The following SYN3 variants were observed in gnomAD, a reference collection of about 807,000 sequenced individuals.
SYN3 encodes the protein synapsin-3.
Under a neutral mutation model 65.8 loss-of-function variants are expected in SYN3, and 35 were observed. The ratio of observed to expected loss-of-function variants is 0.53; its 90% CI spans 0.41 to 0.70. The LOEUF is 0.70. Among genes scored for constraint, SYN3 ranks in the 30% least tolerant of loss-of-function variants. The pLI is 0.00. For missense variants in SYN3, 680 were observed against 749.0 expected (o/e 0.91, Z 1.08); for synonymous variants, 270 against 292.9 (o/e 0.92, Z 0.80).
intron 6 of SYN3, among the ~76,000 whole-genome samples, chr22:32,711,543 G>A (rs2060965890): frequency 6.6e-6 from 1 of 152,152 alleles, no homozygotes; most frequent in South Asian, 2.1e-4. Context: ...TTATGGAGAA[G>A]AAAGATTCTT....
At chr22:32,898,778 CCT>C (rs2049670783) in intron 4 of SYN3, among the ~76,000 whole-genome samples, 1 of 152,176 alleles carries the variant, frequency 6.6e-6, no homozygotes, top group African/African-American at 2.4e-5. Context: ...AAGTAGCTGA[CCT>C]CTCTGAGTTT....
intron 2 of SYN3, among the ~76,000 whole-genome samples, chr22:32,989,328 C>G (rs1436796595): frequency 6.6e-6 from 1 of 152,192 alleles, no homozygotes; most frequent in East Asian, 1.9e-4. Context: ...CATCTCTTTC[C>G]CTCCTGTGCA....
At position 32,774,460 on chromosome 22, in the gene SYN3, G is replaced by A. The variant is rs577758123; in HGVS notation, c.711+90455C>T. On this transcript the variant is annotated intron_variant, in intron 6 of 13. Coordinates refer to ENST00000358763, the MANE Select transcript of SYN3 (RefSeq NM_003490.4). ...GATAAGGAAGGACCCTCCTCCCCTC[G>A]AGTCTTCACAGAGATGAAGCCCTGT... Among the ~76,000 whole-genome samples, 20 of 152,160 alleles carry A rather than the reference G, an allele frequency of 1.3e-4. No individual in the cohort carries two copies. In the South Asian group the frequency reaches 4.0e-3, roughly 30 times the overall value.
intron 7 of SYN3, among the ~76,000 whole-genome samples, chr22:32,558,291 A>G (rs2058532357): frequency 6.6e-6 from 1 of 152,200 alleles, no homozygotes; most frequent in South Asian, 2.1e-4. Flanking sequence ...TATAGCTGAG[A>G]AGGCTTTGTG....
At chr22:32,597,093 G>A (rs1248629863) in intron 6 of SYN3, among the ~76,000 whole-genome samples, 2 of 151,646 alleles carry the variant, frequency 1.3e-5, no homozygotes, top group Non-Finnish European at 2.9e-5. Flanking sequence ...AAATGAAGAC[G>A]ATAATAATAG....
intron 2 of SYN3, among the ~76,000 whole-genome samples, chr22:32,998,791 A>AAAAAC (rs1556121670): frequency 2.8e-4 from 40 of 142,328 alleles, no homozygotes; most frequent in South Asian, 1.1e-3. Flanking sequence ...AAAAAAAAAA[A>AAAAAC]AAAAAAAACA....
rs1196313242 is a variant in SYN3 at position 32,801,516 on chromosome 22, C to T, written c.711+63399G>A. 6.6e-6 allele frequency among the ~76,000 whole-genome samples: 1 copy of T among 152,194 alleles called. No homozygotes were observed. Among genetic ancestry groups the T allele is most frequent in the Non-Finnish European group, 1.5e-5 (1 of 68,028 alleles). ...CGCGTGCCCACGGCGGCATTATTCC[C>T]TATAAGGATCTGAACGATCCGGGGG... On this transcript the variant is annotated intron_variant, in intron 6 of 13. Coordinates refer to ENST00000358763, the MANE Select transcript of SYN3 (RefSeq NM_003490.4). The surrounding 1 kb of genome is among the most constrained non-coding windows in gnomAD (Gnocchi z 4.7).
chr22:32,988,486 A>G (rs1292577731), intron 2 of SYN3, among the ~76,000 whole-genome samples: 1 of 152,160 alleles, frequency 6.6e-6, no homozygotes, highest in Non-Finnish European at 1.5e-5. Flanking sequence ...ATACACAGAT[A>G]GACCACCTAC....
intron 6 of SYN3, among the ~76,000 whole-genome samples, chr22:32,769,795 G>T (rs187082742): frequency 2.0e-5 from 3 of 152,082 alleles, no homozygotes; most frequent in African/African-American, 7.2e-5. Flanking sequence ...GGGATTACAG[G>T]CATGAGCAAC....
At chr22:33,034,193 A>AC (rs144640640) in intron 1 of SYN3, among the ~76,000 whole-genome samples, 26,265 of 151,146 alleles carry the variant, frequency 0.17, 2,640 homozygotes, top group East Asian at 0.41. Context: ...GTTAAAAAAA[A>AC]ACACACACAC....
chr22:32,777,136 CT>C (rs1462731507), intron 6 of SYN3, among the ~76,000 whole-genome samples: 30 of 152,316 alleles, frequency 2.0e-4, no homozygotes, highest in Non-Finnish European at 3.7e-4. Context: ...ATTTCTTTAG[CT>C]GTAATGACTC....
Position 32,527,935 on chromosome 22 carries a change from G to A in SYN3, c.1301C>T (p.Pro434Leu). 3.8e-6 allele frequency: 6 copies of A among 1,589,122 alleles called. No homozygotes were observed. The highest frequency in any genetic ancestry group is 5.1e-6 in the Non-Finnish European group (6 of 1,166,602). ...GGTCATACCTTGCGGAGGTGGGCGT[G>A]GCTGGGGCTGGCCTAGCTGAGGCCC... The part of the protein sequence containing the change: ...QLGPQLGQPQ[P>L]RPPPQGGPRQ... The change falls in exon 12 of 14, where the codon CCA (proline) becomes CTA (leucine). Residue 434 changes from proline (P) to leucine (L), a missense_variant. Pro to Leu is a moderately conservative substitution (Grantham distance 98). Coordinates refer to ENST00000358763, the MANE Select transcript of SYN3 (RefSeq NM_003490.4).
chr22:32,529,541 C>G (rs1274417536), intron 10 of SYN3, among the ~76,000 whole-genome samples: 1 of 152,166 alleles, frequency 6.6e-6, no homozygotes, highest in Non-Finnish European at 1.5e-5. Flanking sequence ...GAAAAGCATT[C>G]CACAGGGAGC....
intron 6 of SYN3, among the ~76,000 whole-genome samples, chr22:32,663,651 G>GTGTGGGAACTGACTAATACAGCA (rs1282315206): frequency 6.6e-6 from 1 of 152,130 alleles, no homozygotes; most frequent in East Asian, 1.9e-4. Flanking sequence ...TTTATTAGCA[G>GTGTGGGAACTGACTAATACAGCA]TGTGGGAACT....
At chr22:32,586,108 GTATATGTA>G (rs1259777107) in intron 7 of SYN3, among the ~76,000 whole-genome samples, 2 of 148,706 alleles carry the variant, frequency 1.3e-5, no homozygotes, top group African/African-American at 2.5e-5. Context: ...ATGTATACAT[GTATATGTA>G]TATATGTATA....
At chr22:32,984,772 G>C (rs2052474677) in intron 2 of SYN3, among the ~76,000 whole-genome samples, 1 of 152,132 alleles carries the variant, frequency 6.6e-6, no homozygotes, top group Non-Finnish European at 1.5e-5. Flanking sequence ...AAGAAGTACT[G>C]GGTGGGCCTG....
At chr22:33,025,589 G>A (rs911864625) in intron 1 of SYN3, among the ~76,000 whole-genome samples, 5 of 150,662 alleles carry the variant, frequency 3.3e-5, no homozygotes, top group South Asian at 2.1e-4. Flanking sequence ...AGCTGAGATC[G>A]CACCACTGGG....
chr22:32,671,247 T>C (rs952882267), intron 6 of SYN3, among the ~76,000 whole-genome samples: 4 of 151,884 alleles, frequency 2.6e-5, no homozygotes, highest in South Asian at 2.1e-4. Flanking sequence ...CACACACACA[T>C]GCATTGACAT....
chr22:32,644,073 CAAAAAAAA>C lies in SYN3; in HGVS notation c.712-47345_712-47338del, dbSNP rs1175308291. Reference sequence around the variant, plus strand: ...AGCCTGGGCAAGCGAGACTCTGCCTCAAAAAAAAAAAAAAAAAAAAAAAAAAAAAGCGA... The same window carrying C: ...AGCCTGGGCAAGCGAGACTCTGCCTCAAAAAAAAAAAAAAAAAAAAAGCGA... On this transcript the variant is annotated intron_variant, in intron 6 of 13. Coordinates refer to ENST00000358763, the MANE Select transcript of SYN3 (RefSeq NM_003490.4). Among the ~76,000 whole-genome samples, 6 of 3,912 alleles carry C rather than the reference CAAAAAAAA, an allele frequency of 1.5e-3. No homozygotes were observed. The East Asian group carries it at 0.071, about 47-fold the overall frequency. The allele number at this position is 3,912 out of a possible 152,430, so 2.6% of individuals were successfully genotyped here. A position where few individuals can be genotyped will look rare whatever the true frequency, so the allele number is the denominator to read the frequency against.
Sources: allele counts gnomAD v4.1 joint callset (sites outside exome capture counted in the v4.1 genomes callset), GRCh38; gene constraint gnomAD v4.1.1; non-coding constraint Gnocchi (gnomAD v3.1); transcripts MANE v1.5; gene names NCBI Gene and HGNC (gene_info 2026-07-23, HGNC 2026-07-21).